The following TCTN1 variants were observed in gnomAD, a reference collection of about 807,000 sequenced individuals.
TCTN1 encodes the protein tectonic-1.
In TCTN1, 58 loss-of-function variants were observed where a neutral mutation model predicts 65.8. The ratio of observed to expected loss-of-function variants is 0.88; its 90% CI spans 0.71 to 1.10. The LOEUF is 1.10. Ranked by LOEUF, TCTN1 falls within the 50% of genes least tolerant of loss-of-function variation. TCTN1 has a pLI of 0.00. For missense variants in TCTN1, 645 were observed against 719.4 expected, an observed-to-expected ratio of 0.90 and a Z score of 1.18; for synonymous variants, 273 against 289.1, an observed-to-expected ratio of 0.94 and a Z score of 0.57.
Position 110,640,435 on chromosome 12 carries a change from C to G in TCTN1, c.896C>G (p.Thr299Ser). 6.2e-7 allele frequency: 1 copy of G among 1,614,162 alleles called. No homozygotes were observed. The change falls in exon 8 of 15, where the codon ACC (threonine) becomes AGC (serine). Residue 299 changes from threonine (T) to serine (S), a missense_variant. Physicochemically the swap from Thr to Ser is moderately conservative, Grantham distance 58. Transcript: ENST00000397659. The surrounding 1 kb of genome is among the most constrained non-coding windows in gnomAD (Gnocchi z 4.9). ...ATTCAGTCTCTAAATAAAACGCTCA[C>G]CCGACGGGAGGACACTGATGTGCTG... ...IVIQSLNKTL[T>S]RREDTDVLQP...
intron 9 of TCTN1, 107 bp downstream of exon 9, chr12:110,641,256 T>C: frequency 6.8e-7 from 1 of 1,466,126 alleles, no homozygotes; most frequent in East Asian, 2.4e-5. Flanking sequence ...CAAGCCTTTG[T>C]AGTGAACAGA....
chr12:110,632,933 T>A (rs1327280640), intron 5 of TCTN1, among the ~76,000 whole-genome samples: 2 of 152,206 alleles, frequency 1.3e-5, no homozygotes, highest in African/African-American at 4.8e-5. Context: ...TAACCATTAT[T>A]AAGCACATAT....
chr12:110,641,485 T>G (rs937769260), intron 9 of TCTN1, 57 bp from the exon 10 acceptor site: 1 of 1,509,722 alleles, frequency 6.6e-7, no homozygotes, highest in African/African-American at 1.4e-5. Context: ...TTTTTCTTCC[T>G]GCCATTTCCT....
chr12:110,640,303 T>A lies in TCTN1; in HGVS notation c.844-80T>A. 6.3e-7 allele frequency: 1 copy of A among 1,589,198 alleles called. No individual in the cohort carries two copies. The highest frequency in any genetic ancestry group is 8.6e-7 in the Non-Finnish European group (1 of 1,159,876). ...CTACTTGGCCATATATCAGGGGAGG[T>A]TTCTTTCCAGTTGGTTGGTTATTTT... On this transcript the variant is annotated intron_variant, in intron 7 of 14. Coordinates refer to ENST00000397659, the MANE Select transcript of TCTN1 (RefSeq NM_001082538.3). This position sits in a 1 kb window ranked among gnomAD's most constrained non-coding sequence, Gnocchi z 4.9.
chr12:110,627,284 A>G (rs2065923284), intron 3 of TCTN1, among the ~76,000 whole-genome samples: 1 of 151,730 alleles, frequency 6.6e-6, no homozygotes, highest in African/African-American at 2.4e-5. Context: ...TTTAGTAGAG[A>G]CAGGGTTTCA....
intron 2 of TCTN1, among the ~76,000 whole-genome samples, chr12:110,623,665 G>A (rs563427281): frequency 6.6e-6 from 1 of 152,058 alleles, no homozygotes; most frequent in Non-Finnish European, 1.5e-5. Flanking sequence ...ATCATAGCTC[G>A]CTGTAACCTT....
At chr12:110,638,727 G>A (rs1207675364) in intron 7 of TCTN1, among the ~76,000 whole-genome samples, 1 of 152,168 alleles carries the variant, frequency 6.6e-6, no homozygotes, top group Admixed American at 6.5e-5. Context: ...CCAATTCCAC[G>A]CACACACCAT....
chr12:110,647,529 A>G (rs887055845), intron 13 of TCTN1, 193 bp downstream of exon 13: 1 of 1,003,978 alleles, frequency 1.0e-6, no homozygotes, highest in Non-Finnish European at 1.5e-6. Context: ...TTCAGATTGG[A>G]TCTTTAAAAT....
At chr12:110,617,888 C>A (rs1188665586) in intron 1 of TCTN1, among the ~76,000 whole-genome samples, 1 of 152,088 alleles carries the variant, frequency 6.6e-6, no homozygotes, top group Non-Finnish European at 1.5e-5. Context: ...ATCCACCTGC[C>A]TCAGCCTCCC....
At chr12:110,619,697 C>T (rs1302431281) in intron 1 of TCTN1, 139 bp from the exon 2 acceptor site, 7 of 1,375,100 alleles carry the variant, frequency 5.1e-6, no homozygotes, top group South Asian at 4.9e-5. Context: ...TTCCACTTCA[C>T]AAATTTCCCC....
chr12:110,647,533 T>C (rs1300301817), intron 13 of TCTN1, 197 bp downstream of exon 13: 4 of 1,020,316 alleles, frequency 3.9e-6, no homozygotes, highest in African/African-American at 1.6e-5. Flanking sequence ...GATTGGATCT[T>C]TAAAATTCTC....
intron 1 of TCTN1, among the ~76,000 whole-genome samples, chr12:110,615,563 C>A (rs568433728): frequency 1.3e-5 from 2 of 152,260 alleles, no homozygotes; most frequent in South Asian, 2.1e-4. Flanking sequence ...TCACTTAAGT[C>A]TCAATCTGCT....
In TCTN1 at chr12:110,636,160, C is replaced by A. The variant is rs2066553481; in HGVS notation, c.823-321C>A. On this transcript the variant is annotated intron_variant, in intron 6 of 14. Transcript: ENST00000397659. The stretch of plus-strand genomic sequence containing the variant: ...AGTGACCAGGAGTGCAAGAACTGTG[C>A]TTCCCACAGTGCTTATGGCCGTGAG... 8.9e-6 allele frequency: 3 copies of A among 336,386 alleles called. No homozygotes were observed. In the Admixed American group the frequency reaches 1.3e-4, roughly 14 times the overall value. The allele number at this position is 336,386 out of a possible 1,614,324, so 20.8% of individuals were successfully genotyped here. A position where few individuals can be genotyped will look rare whatever the true frequency, so the allele number is the denominator to read the frequency against.
intron 12 of TCTN1, chr12:110,646,396 CT>C (rs779233275): frequency 1.0e-3 from 147 of 144,826 alleles, no homozygotes; most frequent in African/African-American, 1.1e-3. Context: ...TATTTTAAAG[CT>C]TTTTTTTTTT....
rs2064867949 is a variant in TCTN1 at position 110,614,176 on chromosome 12, C to T, written c.-7C>T. ...ATGTCGCGGGCCTCGCTGGGACTCC[C>T]TGGGAGATGAGGCCGCGAGGTCTCC... On this transcript the variant is annotated 5_prime_UTR_variant, in exon 1 of 15. Transcript: ENST00000397659. 1.9e-6 allele frequency: 3 copies of T among 1,550,708 alleles called. No individual in the cohort carries two copies. The African/African-American group carries it at 4.1e-5, about 21-fold the overall frequency.
intron 5 of TCTN1, among the ~76,000 whole-genome samples, chr12:110,633,325 C>T (rs1314863711): frequency 6.6e-6 from 1 of 152,230 alleles, no homozygotes; most frequent in East Asian, 1.9e-4. Context: ...CAATCTTGCA[C>T]ACACGAAGAA....
At chr12:110,647,065 T>G in intron 12 of TCTN1, 131 bp from the exon 13 acceptor site, 5 of 1,101,956 alleles carry the variant, frequency 4.5e-6, no homozygotes, top group Non-Finnish European at 5.3e-6. Flanking sequence ...GCTGTTTTTA[T>G]CTGAACTTGT....
At chr12:110,635,661 C>A (rs1422759684) in intron 6 of TCTN1, 1 of 152,398 alleles carries the variant, frequency 6.6e-6, no homozygotes, top group African/African-American at 2.4e-5. Context: ...AACAAAACAA[C>A]TGCCCCGCCA....
chr12:110,632,478 G>T lies in TCTN1; in HGVS notation c.631G>T (p.Val211Phe), dbSNP rs780221979. 1 of 1,613,956 alleles carries T rather than the reference G, an allele frequency of 6.2e-7. No individual in the cohort carries two copies. Among genetic ancestry groups the T allele is most frequent in the South Asian group, 1.1e-5 (1 of 91,082 alleles). The change falls in exon 5 of 15, where the codon GTT (valine) becomes TTT (phenylalanine). Residue 211 changes from valine to phenylalanine, a missense_variant. By Grantham distance (50) the Val-to-Phe change is conservative (BLOSUM62 -1). Coordinates refer to ENST00000397659, the MANE Select transcript of TCTN1 (RefSeq NM_001082538.3). ...IPTAAKYEYG[V>F]PLQTSDSFLR... ...TTGGTTGTTGTGTTTGCAGTATGGG[G>T]TTCCTCTGCAGACTTCAGATTCGTT...
Sources: gnomAD v4.1 joint callset for allele counts (sites outside exome capture counted in the v4.1 genomes callset) on GRCh38, gnomAD v4.1.1 for gene constraint, Gnocchi (gnomAD v3.1) non-coding constraint, MANE v1.5 for transcripts, NCBI Gene and HGNC (gene_info 2026-07-23, HGNC 2026-07-21) for gene names.